The following ADCY2 variants were observed in gnomAD, a reference collection of about 807,000 sequenced individuals.
ADCY2 encodes the protein adenylate cyclase 2.
ADCY2 carries 31 observed loss-of-function variants against 125.2 expected under a neutral mutation model. That is an observed-to-expected ratio of 0.25 (90% confidence interval 0.19 to 0.33). The LOEUF (loss-of-function observed/expected upper bound fraction) is 0.33. Ranked by LOEUF, ADCY2 falls within the 10% of genes least tolerant of loss-of-function variation. ADCY2 has a pLI of 1.00. For missense variants in ADCY2, 904 were observed against 1,418.2 expected, an observed-to-expected ratio of 0.64 and a Z score of 5.82; for synonymous variants, 512 against 548.4, an observed-to-expected ratio of 0.93 and a Z score of 0.93.
At chr5:7,683,262 G>A (rs954197855) in intron 4 of ADCY2, among the ~76,000 whole-genome samples, 1 of 152,200 alleles carries the variant, frequency 6.6e-6, no homozygotes, top group Non-Finnish European at 1.5e-5. Flanking sequence ...CAGCTTGTGG[G>A]CACACCACGT....
At chr5:7,517,398 C>T (rs1044972219) in intron 2 of ADCY2, among the ~76,000 whole-genome samples, 5 of 152,140 alleles carry the variant, frequency 3.3e-5, no homozygotes, top group Non-Finnish European at 5.9e-5. Context: ...TTTACATGTG[C>T]CAAATCCATT....
chr5:7,507,401 A>G (rs1338449668), intron 2 of ADCY2, among the ~76,000 whole-genome samples: 20 of 122,254 alleles, frequency 1.6e-4, no homozygotes, highest in African/African-American at 2.0e-4. Context: ...AGATCATACC[A>G]CTGCACTCCA....
At chr5:7,637,908 T>C (rs371704457) in intron 4 of ADCY2, among the ~76,000 whole-genome samples, 2 of 152,164 alleles carry the variant, frequency 1.3e-5, no homozygotes, top group Admixed American at 6.5e-5. Context: ...CAATCCTCAT[T>C]ATAAATATGG....
intron 18 of ADCY2, 133 bp downstream of exon 18, chr5:7,773,234 G>A (rs1451015906): frequency 2.1e-6 from 2 of 945,178 alleles, no homozygotes; most frequent in Admixed American, 2.8e-5. Flanking sequence ...TTTCTTTGAA[G>A]TGATGCCTCA....
At chr5:7,622,409 A>G (rs1317218580) in intron 3 of ADCY2, among the ~76,000 whole-genome samples, 2 of 152,224 alleles carry the variant, frequency 1.3e-5, no homozygotes, top group Non-Finnish European at 2.9e-5. Context: ...TAAGTTTTCC[A>G]TCAGAAAAGA....
Position 7,712,844 on chromosome 5 carries a change from T to C in ADCY2, c.1579-12T>C, listed in dbSNP as rs1369501562. 1 of 1,592,862 alleles carries C rather than the reference T, an allele frequency of 6.3e-7. No individual in the cohort carries two copies. Among genetic ancestry groups the C allele is most frequent in the Non-Finnish European group, 8.6e-7 (1 of 1,162,968 alleles). On this transcript the variant is annotated splice_polypyrimidine_tract_variant and intron_variant, in intron 10 of 24. Transcript: ENST00000338316. Reference sequence around the variant, plus strand: ...ATGTTTTGACAATTAATAACCTTTTTTCTCAATATAGGATGTACCCATGGG... The same window carrying C: ...ATGTTTTGACAATTAATAACCTTTTCTCTCAATATAGGATGTACCCATGGG...
chr5:7,569,666 C>A (rs531389025), intron 3 of ADCY2, among the ~76,000 whole-genome samples: 2 of 152,264 alleles, frequency 1.3e-5, no homozygotes, highest in African/African-American at 4.8e-5. Context: ...ATTTGCCTAA[C>A]TTCTTGCCTA....
chr5:7,687,669 C>T (rs894416156), intron 4 of ADCY2, among the ~76,000 whole-genome samples: 4 of 152,172 alleles, frequency 2.6e-5, no homozygotes, highest in African/African-American at 9.7e-5. Flanking sequence ...TCAGCTACCT[C>T]TTCATTAGCG....
chr5:7,599,865 A>G (rs1419975784), intron 3 of ADCY2, among the ~76,000 whole-genome samples: 1 of 152,238 alleles, frequency 6.6e-6, no homozygotes, highest in Non-Finnish European at 1.5e-5. Flanking sequence ...AACAATGTAT[A>G]TAAAGGCTTA....
chr5:7,779,935 G>A (rs547930008), intron 18 of ADCY2, among the ~76,000 whole-genome samples: 19 of 152,228 alleles, frequency 1.2e-4, no homozygotes, highest in Admixed American at 9.2e-4. Flanking sequence ...CCCTTGATAC[G>A]GAGCGTGGGA....
chr5:7,564,954 A>G (rs956566737), intron 3 of ADCY2, among the ~76,000 whole-genome samples: 4 of 152,256 alleles, frequency 2.6e-5, no homozygotes, highest in Non-Finnish European at 5.9e-5. Context: ...ACATCATTAC[A>G]TAAAGGTTTC....
At chr5:7,728,061 A>G (rs560387028) in intron 14 of ADCY2, among the ~76,000 whole-genome samples, 2 of 151,994 alleles carry the variant, frequency 1.3e-5, no homozygotes, top group Admixed American at 6.6e-5. Flanking sequence ...CCTTCTGATC[A>G]TATATTTTTT....
chr5:7,757,340 G>C lies in ADCY2; in HGVS notation c.1957-109G>C, dbSNP rs922214159. On this transcript the variant is annotated intron_variant, in intron 15 of 24. Coordinates refer to ENST00000338316, the MANE Select transcript of ADCY2 (RefSeq NM_020546.3). ...GGGGAGGATAGAATCTACATGTTTA[G>C]TCTATGAACAATGTTGGTGCTTCTT... The C allele has an allele frequency of 4.3e-6, 6 of 1,382,676 alleles. No individual in the cohort carries two copies. The African/African-American group carries it at 8.7e-5, about 20-fold the overall frequency. The allele number at this position is 1,382,676 out of a possible 1,614,324, so 85.7% of individuals were successfully genotyped here. A position where few individuals can be genotyped will look rare whatever the true frequency, so the allele number is the denominator to read the frequency against.
intron 22 of ADCY2, among the ~76,000 whole-genome samples, chr5:7,812,421 T>G (rs1744972879): frequency 6.6e-6 from 1 of 152,142 alleles, no homozygotes; most frequent in Non-Finnish European, 1.5e-5. Flanking sequence ...TTGTTAAAGC[T>G]GTAAGTAAGA....
intron 4 of ADCY2, among the ~76,000 whole-genome samples, chr5:7,666,198 G>A (rs1739718339): frequency 6.6e-6 from 1 of 151,928 alleles, no homozygotes; most frequent in South Asian, 2.1e-4. Flanking sequence ...ATGAGAGATA[G>A]GAACCACCTC....
intron 2 of ADCY2, among the ~76,000 whole-genome samples, chr5:7,415,039 GTA>G (rs1300374532): frequency 1.3e-5 from 2 of 152,136 alleles, no homozygotes; most frequent in Non-Finnish European, 2.9e-5. Context: ...GTATGTGTAT[GTA>G]TATGTGTGTG....
At chr5:7,529,931 C>A (rs1734588660) in intron 3 of ADCY2, among the ~76,000 whole-genome samples, 1 of 152,190 alleles carries the variant, frequency 6.6e-6, no homozygotes, top group Admixed American at 6.5e-5. Flanking sequence ...AGGTTAGCTT[C>A]TCCCTGTGCC....
intron 3 of ADCY2, among the ~76,000 whole-genome samples, chr5:7,602,677 C>T (rs535001020): frequency 6.6e-6 from 1 of 152,244 alleles, no homozygotes; most frequent in South Asian, 2.1e-4. Flanking sequence ...GACTAGTTTG[C>T]CAGTTTATTT....
At chr5:7,672,203 A>C (rs1739959224) in intron 4 of ADCY2, among the ~76,000 whole-genome samples, 1 of 152,200 alleles carries the variant, frequency 6.6e-6, no homozygotes, top group Non-Finnish European at 1.5e-5. Flanking sequence ...TTATTTTCTA[A>C]AAGATCTATT....
Sources: gnomAD v4.1 joint callset for allele counts (sites outside exome capture counted in the v4.1 genomes callset) on GRCh38, gnomAD v4.1.1 for gene constraint, MANE v1.5 for transcripts, NCBI Gene and HGNC (gene_info 2026-07-23, HGNC 2026-07-21) for gene names.